NDST4: variants seen among roughly 807,000 people sequenced by gnomAD.
NDST4 encodes the protein N-heparan sulfate sulfotransferase 4.
NDST4 carries 63 observed loss-of-function variants against 100.8 expected under a neutral mutation model. The observed-to-expected ratio is 0.62, with a 90% CI of 0.51 to 0.77. The LOEUF (loss-of-function observed/expected upper bound fraction) is 0.77, where lower values mean the gene tolerates loss of function less well. Ranked by LOEUF, NDST4 falls within the 30% of genes least tolerant of loss-of-function variation. The pLI is 0.00. For synonymous variants in NDST4, 377 were observed against 361.8 expected, an observed-to-expected ratio of 1.04 and a Z score of -0.48; for missense variants, 943 against 1,018.4, an observed-to-expected ratio of 0.93 and a Z score of 1.01.
rs1048339987 is a variant in NDST4 at position 114,988,230 on chromosome 4, A to G, written c.979-10956T>C. Among the ~76,000 whole-genome samples the G allele has an allele frequency of 3.3e-5, 5 of 151,970 alleles. No individual in the cohort carries two copies. In the South Asian group the frequency reaches 1.0e-3, roughly 31 times the overall value. ...AAACAACTATTAAGTTAATGAAAAC[A>G]ACTTTTAAGTTGTTAATGAAATGTG... On this transcript the variant is annotated intron_variant, in intron 2 of 13. Transcript: ENST00000264363.
intron 2 of NDST4, among the ~76,000 whole-genome samples, chr4:114,977,820 A>G (rs191496945): frequency 2.0e-3 from 308 of 152,150 alleles, no homozygotes; most frequent in Middle Eastern, 0.017. Flanking sequence ...TTGCAAACCT[A>G]GTTATGAAAA....
At chr4:114,924,311 G>T (rs1474916362) in intron 6 of NDST4, among the ~76,000 whole-genome samples, 1 of 151,992 alleles carries the variant, frequency 6.6e-6, no homozygotes, top group Non-Finnish European at 1.5e-5. Flanking sequence ...ATCATACGTT[G>T]TAAGTCCATG....
chr4:114,966,353 C>T (rs745994482), intron 4 of NDST4, among the ~76,000 whole-genome samples: 58 of 152,044 alleles, frequency 3.8e-4, no homozygotes, highest in Non-Finnish European at 7.5e-4. Context: ...AAAGTCTCTT[C>T]CAACATGATG....
intron 11 of NDST4, among the ~76,000 whole-genome samples, chr4:114,837,648 C>T (rs1723332612): frequency 2.0e-5 from 3 of 152,158 alleles, no homozygotes; most frequent in Non-Finnish European, 4.4e-5. Context: ...AACTGGACCC[C>T]TTCCTTACAC....
chr4:114,980,623 C>A (rs546858103), intron 2 of NDST4, among the ~76,000 whole-genome samples: 2 of 151,938 alleles, frequency 1.3e-5, no homozygotes, highest in African/African-American at 4.8e-5. Context: ...GCCTGGGCGA[C>A]AAGAGTGAAA....
At chr4:114,902,285 T>C (rs191745746) in intron 6 of NDST4, among the ~76,000 whole-genome samples, 3 of 152,120 alleles carry the variant, frequency 2.0e-5, no homozygotes, top group Admixed American at 1.3e-4. Flanking sequence ...GGCAACAAAT[T>C]CCCTCCATTT....
In NDST4 at chr4:115,068,309, G is replaced by T. The variant is rs183396010; in HGVS notation, c.978+7750C>A. On this transcript the variant is annotated intron_variant, in intron 2 of 13. Transcript: ENST00000264363. ...GACATCAGTAAATTACTTGTATCTAGATCAAGCCTTAATACCAGCCTAGGT... is the reference window on the plus strand; with the variant it reads ...GACATCAGTAAATTACTTGTATCTATATCAAGCCTTAATACCAGCCTAGGT... Among the ~76,000 whole-genome samples, 428 of 152,114 alleles carry T rather than the reference G, an allele frequency of 2.8e-3. No individual in the cohort carries two copies. In the Middle Eastern group the frequency reaches 0.031, roughly 11 times the overall value.
intron 7 of NDST4, among the ~76,000 whole-genome samples, chr4:114,860,242 A>AG (rs1203205919): frequency 2.0e-5 from 3 of 152,296 alleles, no homozygotes; most frequent in African/African-American, 7.2e-5. Flanking sequence ...ATTTTCTGCC[A>AG]TCTTTTTATT....
intron 4 of NDST4, chr4:114,955,746 A>T (rs1726125188): frequency 6.6e-6 from 1 of 152,198 alleles, no homozygotes; most frequent in Non-Finnish European, 1.5e-5. Flanking sequence ...ATGCAAAACC[A>T]TTTATTCAAG....
intron 6 of NDST4, among the ~76,000 whole-genome samples, chr4:114,920,919 T>C (rs1725273219): frequency 6.6e-6 from 1 of 152,190 alleles, no homozygotes; most frequent in African/African-American, 2.4e-5. Flanking sequence ...ATTAAATTCA[T>C]CTCAGCCCTC....
intron 6 of NDST4, among the ~76,000 whole-genome samples, chr4:114,923,264 A>G (rs1293746025): frequency 6.6e-6 from 1 of 152,214 alleles, no homozygotes; most frequent in Non-Finnish European, 1.5e-5. Context: ...AAAAGAGTTT[A>G]TATTTTTATT....
chr4:115,040,220 T>C (rs982998410), intron 2 of NDST4, among the ~76,000 whole-genome samples: 6 of 151,102 alleles, frequency 4.0e-5, no homozygotes, highest in Non-Finnish European at 7.4e-5. Context: ...AAGTAATCTA[T>C]AAATATTAAA....
intron 9 of NDST4, among the ~76,000 whole-genome samples, chr4:114,846,813 A>G (rs1228874622): frequency 6.6e-6 from 1 of 152,162 alleles, no homozygotes; most frequent in Non-Finnish European, 1.5e-5. Flanking sequence ...GACATTTGTT[A>G]TTATGTTTCC....
At chr4:115,053,020 T>A (rs977914406) in intron 2 of NDST4, among the ~76,000 whole-genome samples, 28 of 152,098 alleles carry the variant, frequency 1.8e-4, no homozygotes, top group Admixed American at 7.9e-4. Flanking sequence ...GAACAAAAGG[T>A]ACATGTTTAG....
intron 4 of NDST4, among the ~76,000 whole-genome samples, chr4:114,954,591 A>G (rs939807338): frequency 6.6e-6 from 1 of 152,210 alleles, no homozygotes; most frequent in South Asian, 2.1e-4. Context: ...CTCTCCAAAC[A>G]ACTTTTTGAT....
chr4:114,968,272 T>G (rs578030600), intron 4 of NDST4, among the ~76,000 whole-genome samples: 1 of 152,172 alleles, frequency 6.6e-6, no homozygotes, highest in South Asian at 2.1e-4. Context: ...AAAATATCAG[T>G]AAATCACACA....
intron 8 of NDST4, among the ~76,000 whole-genome samples, chr4:114,849,425 C>G (rs944828729): frequency 6.6e-6 from 1 of 152,178 alleles, no homozygotes; most frequent in Non-Finnish European, 1.5e-5. Flanking sequence ...ACTATCATTG[C>G]AAATGGGATC....
chr4:115,024,468 A>T (rs1727936103), intron 2 of NDST4, among the ~76,000 whole-genome samples: 2 of 152,048 alleles, frequency 1.3e-5, no homozygotes, highest in African/African-American at 2.4e-5. Context: ...GTTTTGACTT[A>T]CTTGGCAGTA....
At chr4:114,985,490 CTAAT>C (rs1726879769) in intron 2 of NDST4, among the ~76,000 whole-genome samples, 1 of 152,252 alleles carries the variant, frequency 6.6e-6, no homozygotes, top group Middle Eastern at 3.4e-3. Context: ...GAGCAACACT[CTAAT>C]TATTTATTTA....
Sources: allele counts gnomAD v4.1 joint callset (sites outside exome capture counted in the v4.1 genomes callset), GRCh38; gene constraint gnomAD v4.1.1; transcripts MANE v1.5; gene names NCBI Gene and HGNC (gene_info 2026-07-23, HGNC 2026-07-21).